The following ABI1 variants were observed in gnomAD, a reference collection of about 807,000 sequenced individuals.
ABI1 encodes abl interactor 1.
ABI1 carries 14 observed loss-of-function variants against 54.6 expected under a neutral mutation model. That is an observed-to-expected ratio of 0.26 (90% CI 0.17 to 0.40). ABI1 has a LOEUF of 0.40. Among genes scored for constraint, ABI1 ranks in the 10% least tolerant of loss-of-function variants. The probability of loss-of-function intolerance (pLI) is 1.00; values close to 1 mark genes in which losing one functional copy is unlikely to be tolerated. For synonymous variants in ABI1, 194 were observed against 209.3 expected, an observed-to-expected ratio of 0.93 and a Z score of 0.63; for missense variants, 443 against 598.3, an observed-to-expected ratio of 0.74 and a Z score of 2.71.
At chr10:26,834,548 AACACACACACACACACACACAC>A (rs571268846) in intron 1 of ABI1, among the ~76,000 whole-genome samples, 78 of 138,626 alleles carry the variant, frequency 5.6e-4, no homozygotes, top group Admixed American at 9.3e-4. Flanking sequence ...AGACATACAA[AACACACACACACACACACACAC>A]ACACACACAC....
intron 1 of ABI1, among the ~76,000 whole-genome samples, chr10:26,829,627 C>G (rs1418088535): frequency 6.6e-6 from 1 of 151,880 alleles, no homozygotes; most frequent in Admixed American, 6.6e-5. Flanking sequence ...AACAAAAAAG[C>G]CACCGAGGAA....
At chr10:26,855,737 A>G (rs10829121) in intron 1 of ABI1, among the ~76,000 whole-genome samples, 39,018 of 151,328 alleles carry the variant, frequency 0.26, 5,710 homozygotes, top group South Asian at 0.44. Flanking sequence ...TTGGGAGGCC[A>G]AGGCGGGTGG....
chr10:26,848,465 T>C (rs895869677), intron 1 of ABI1, among the ~76,000 whole-genome samples: 1 of 152,132 alleles, frequency 6.6e-6, no homozygotes, highest in African/African-American at 2.4e-5. Flanking sequence ...GGTATGAAAT[T>C]TGAAGATAAC....
In ABI1 at chr10:26,860,953, C is replaced by G; in HGVS notation, c.-90G>C. 2 of 1,172,806 alleles carry G rather than the reference C, an allele frequency of 1.7e-6. No homozygotes were observed. Among genetic ancestry groups the G allele is most frequent in the South Asian group, 2.4e-5 (2 of 81,724 alleles). The allele number at this position is 1,172,806 out of a possible 1,614,324, so 72.6% of individuals were successfully genotyped here. Reference sequence around the variant, plus strand: ...CTCCGAGCACCTCACAGCCCGGATACAAACCGCCTACCCGCCCTCCCGCCT... The same window carrying G: ...CTCCGAGCACCTCACAGCCCGGATAGAAACCGCCTACCCGCCCTCCCGCCT... On this transcript the variant is annotated 5_prime_UTR_variant, in exon 1 of 11. Coordinates refer to ENST00000376140, the MANE Select transcript of ABI1 (RefSeq NM_001012750.3). This position sits in a 1 kb window ranked among gnomAD's most constrained non-coding sequence, Gnocchi z 4.1.
intron 2 of ABI1, among the ~76,000 whole-genome samples, chr10:26,800,202 G>A (rs781038796): frequency 9.9e-5 from 15 of 151,814 alleles, no homozygotes; most frequent in Admixed American, 2.0e-4. Flanking sequence ...TGGCCAACAT[G>A]GTGAAACCCC....
chr10:26,798,410 T>C (rs932615375), intron 2 of ABI1, among the ~76,000 whole-genome samples: 3 of 151,916 alleles, frequency 2.0e-5, no homozygotes, highest in Non-Finnish European at 2.9e-5. Flanking sequence ...AAGACTCAAC[T>C]GGCCATTGGT....
chr10:26,791,060 T>C (rs898240678), intron 2 of ABI1, among the ~76,000 whole-genome samples: 6 of 115,406 alleles, frequency 5.2e-5, no homozygotes, highest in African/African-American at 8.5e-5. Context: ...AAGAGTAAGA[T>C]TCCGTCTCAA....
chr10:26,839,724 G>A (rs1589041348), intron 1 of ABI1: 4 of 700,828 alleles, frequency 5.7e-6, no homozygotes, highest in Non-Finnish European at 1.0e-5. Context: ...GTCAAGGTAG[G>A]AGGATTACCT....
intron 1 of ABI1, among the ~76,000 whole-genome samples, chr10:26,843,181 G>C (rs1426813383): frequency 1.3e-5 from 2 of 151,488 alleles, no homozygotes; most frequent in African/African-American, 2.4e-5. Flanking sequence ...GGTCCAGCAT[G>C]GTGGCTTACA....
chr10:26,779,903 G>A (rs981479666), intron 2 of ABI1, among the ~76,000 whole-genome samples: 4 of 152,096 alleles, frequency 2.6e-5, no homozygotes, highest in South Asian at 4.1e-4. Flanking sequence ...TTTAAAATGC[G>A]GATCAAGGTA....
chr10:26,796,631 A>ATTTTCAT (rs1844206092), intron 2 of ABI1, among the ~76,000 whole-genome samples: 1 of 152,178 alleles, frequency 6.6e-6, no homozygotes, highest in South Asian at 2.1e-4. Flanking sequence ...TGTATTAAGG[A>ATTTTCAT]TTTTCATTAA....
chr10:26,849,941 A>G (rs922237903), intron 1 of ABI1, among the ~76,000 whole-genome samples: 5 of 152,258 alleles, frequency 3.3e-5, no homozygotes, highest in Admixed American at 2.0e-4. Context: ...ATTTATTGAT[A>G]TAGTTTCAGA....
At chr10:26,803,487 T>TA (rs764600987) in intron 2 of ABI1, among the ~76,000 whole-genome samples, 1 of 152,202 alleles carries the variant, frequency 6.6e-6, no homozygotes, top group Non-Finnish European at 1.5e-5. Context: ...AGTGGAAATG[T>TA]AGAGAACAAT....
chr10:26,787,133 C>G (rs1301399402), intron 2 of ABI1, among the ~76,000 whole-genome samples: 2 of 152,178 alleles, frequency 1.3e-5, no homozygotes, highest in African/African-American at 4.8e-5. Context: ...CTCACCTTGG[C>G]TATTGCAACA....
chr10:26,846,901 C>G (rs1358764769), intron 1 of ABI1, among the ~76,000 whole-genome samples: 1 of 152,168 alleles, frequency 6.6e-6, no homozygotes, highest in African/African-American at 2.4e-5. Context: ...GATCTCAACT[C>G]CAACATTACT....
At chr10:26,847,966 G>T (rs993623803) in intron 1 of ABI1, among the ~76,000 whole-genome samples, 2 of 151,982 alleles carry the variant, frequency 1.3e-5, no homozygotes, top group Non-Finnish European at 2.9e-5. Context: ...GGGAGGCCGA[G>T]TCAGGAGGAT....
chr10:26,828,238 A>T (rs2048436678), intron 1 of ABI1, among the ~76,000 whole-genome samples: 1 of 152,218 alleles, frequency 6.6e-6, no homozygotes, highest in Non-Finnish European at 1.5e-5. Flanking sequence ...TACAACAATT[A>T]CTAAGTTCAC....
intron 2 of ABI1, among the ~76,000 whole-genome samples, chr10:26,781,329 C>T (rs1842074167): frequency 6.6e-6 from 1 of 152,268 alleles, no homozygotes; most frequent in Admixed American, 6.5e-5. Context: ...GCCAGTCTGG[C>T]CCCTAGGGCA....
intron 3 of ABI1, among the ~76,000 whole-genome samples, chr10:26,775,898 A>G (rs1841355287): frequency 6.6e-6 from 1 of 152,206 alleles, no homozygotes. Flanking sequence ...ATGTATGTAT[A>G]CATACATGCA....
Sources: allele counts gnomAD v4.1 joint callset (sites outside exome capture counted in the v4.1 genomes callset), GRCh38; gene constraint gnomAD v4.1.1; non-coding constraint Gnocchi (gnomAD v3.1); transcripts MANE v1.5; gene names NCBI Gene and HGNC (gene_info 2026-07-23, HGNC 2026-07-21).